The following CYP11B2 variants were observed in gnomAD, a reference collection of about 807,000 sequenced individuals.
The protein encoded by CYP11B2 is cytochrome P450 family 11 subfamily B member 2.
CYP11B2 carries 38 observed loss-of-function variants against 49.3 expected under a neutral mutation model. That is an observed-to-expected ratio of 0.77 (90% CI 0.59 to 1.01). CYP11B2 has a LOEUF of 1.01. Among genes scored for constraint, CYP11B2 ranks in the 50% least tolerant of loss-of-function variants. The pLI is 0.00. For missense variants in CYP11B2, 669 were observed against 655.5 expected (o/e 1.02, Z -0.23); for synonymous variants, 290 against 269.3 (o/e 1.08, Z -0.75).
rs1586576589 is a variant in CYP11B2 at position 142,916,866 on chromosome 8, C to T, written c.395+193G>A. Reference sequence around the variant, plus strand: ...GTGCCCGTGCCCATTTCTCCACCACCGCCCTGCTTCCCCAACCCACAGTGC... The same window carrying T: ...GTGCCCGTGCCCATTTCTCCACCACTGCCCTGCTTCCCCAACCCACAGTGC... On this transcript the variant is annotated intron_variant, in intron 2 of 8. Coordinates refer to ENST00000323110, the MANE Select transcript of CYP11B2 (RefSeq NM_000498.3). 3.3e-5 allele frequency among the ~76,000 whole-genome samples: 5 copies of T among 152,158 alleles called. 1 individual carries two copies. In the South Asian group the frequency reaches 1.0e-3, roughly 31 times the overall value.
chr8:142,917,297 C>A, intron 1 of CYP11B2, 83 bp from the exon 2 acceptor site: 4 of 1,503,816 alleles, frequency 2.7e-6, no homozygotes, highest in Non-Finnish European at 3.7e-6. Flanking sequence ...AAAGTGTCTC[C>A]TGTCCACCCT....
At chr8:142,915,889 T>C (rs1314089679) in intron 2 of CYP11B2, among the ~76,000 whole-genome samples, 3 of 152,188 alleles carry the variant, frequency 2.0e-5, no homozygotes, top group African/African-American at 7.2e-5. Context: ...CCTTTATTTA[T>C]GTCCAGCTGG....
chr8:142,914,635 G>A, intron 4 of CYP11B2, 70 bp downstream of exon 4: 1 of 1,380,994 alleles, frequency 7.2e-7, no homozygotes. Context: ...CCCACTGGGT[G>A]GTGGAGAAGG....
In CYP11B2 at chr8:142,917,255, T is replaced by A. The variant is rs758713422; in HGVS notation, c.240-41A>T. ...GGAGGCCCTGCTGGACGGGGTCATGTCCCTCGTGGCCCCACCCTGCAGTCC... is the reference window on the plus strand; with the variant it reads ...GGAGGCCCTGCTGGACGGGGTCATGACCCTCGTGGCCCCACCCTGCAGTCC... On this transcript the variant is annotated intron_variant, in intron 1 of 8. Transcript: ENST00000323110. The A allele has an allele frequency of 2.5e-6, 4 of 1,605,794 alleles. No individual in the cohort carries two copies. The South Asian group carries it at 4.4e-5, about 18-fold the overall frequency.
In CYP11B2 at chr8:142,917,724, T is replaced by A; in HGVS notation, c.117A>T (p.Glu39Asp). 6.2e-7 allele frequency: 1 copy of A among 1,614,242 alleles called. No homozygotes were observed. The highest frequency in any genetic ancestry group is 8.5e-7 in the Non-Finnish European group (1 of 1,180,050). Reference sequence around the variant, plus strand: ...TGTTGCCTGGATGCTGGGGCATGGCTTCAAACGGCAGCACCGTCCTAGGGG... The same window carrying A: ...TGTTGCCTGGATGCTGGGGCATGGCATCAAACGGCAGCACCGTCCTAGGGG... ...ARAPRTVLPFEAMPQHPGNRW... is the reference protein window; with the variant it reads ...ARAPRTVLPFDAMPQHPGNRW... Residue 39 changes from glutamate (E) to aspartate (D), a missense_variant, in exon 1 of 9, where the codon GAA becomes GAT. By Grantham distance (45) the Glu-to-Asp change is conservative. Coordinates refer to ENST00000323110, the MANE Select transcript of CYP11B2 (RefSeq NM_000498.3).
intron 5 of CYP11B2, 132 bp from the exon 6 acceptor site, chr8:142,913,583 C>A: frequency 9.1e-7 from 1 of 1,100,388 alleles, no homozygotes; most frequent in Admixed American, 1.9e-5. Context: ...CCCTGGGACC[C>A]CGGATCTGAA....
At position 142,912,519 on chromosome 8, in the gene CYP11B2, G is replaced by A; in HGVS notation, c.1398+11C>T. ...TGCCCAGGTCCCGCCCCCGCCCCCAGGCCTGCTTACGTGGTGCAGCAGCAG... is the reference window on the plus strand; with the variant it reads ...TGCCCAGGTCCCGCCCCCGCCCCCAAGCCTGCTTACGTGGTGCAGCAGCAG... On this transcript the variant is annotated intron_variant, in intron 8 of 8. Coordinates refer to ENST00000323110, the MANE Select transcript of CYP11B2 (RefSeq NM_000498.3). 2.1e-6 allele frequency: 2 copies of A among 939,990 alleles called. No individual in the cohort carries two copies. The highest frequency in any genetic ancestry group is 3.4e-6 in the Non-Finnish European group (2 of 583,040). 58.2% of individuals were successfully genotyped at this position (939,990 alleles called of 1,614,324 possible). A position where few individuals can be genotyped will look rare whatever the true frequency, so the allele number is the denominator to read the frequency against.
chr8:142,914,354 G>T lies in CYP11B2; in HGVS notation c.864C>A (p.Gly288=), dbSNP rs770370356. ...LAFNRPQHYT[G]IVAELLLKAE... The stretch of plus-strand genomic sequence containing the variant: ...CCTTCAACAGGAGCTCCGCCACGAT[G>T]CCTGTGTAGTGTTGAGGGCGGTTGA... Residue 288 remains glycine (G), a synonymous_variant, in exon 5 of 9, where the codon GGC becomes GGA. Coordinates refer to ENST00000323110, the MANE Select transcript of CYP11B2 (RefSeq NM_000498.3). 1 of 1,613,224 alleles carries T rather than the reference G, an allele frequency of 6.2e-7. No individual in the cohort carries two copies. The highest frequency in any genetic ancestry group is 8.5e-7 in the Non-Finnish European group (1 of 1,179,174).
intron 8 of CYP11B2, 73 bp downstream of exon 8, chr8:142,912,457 G>A: frequency 6.6e-7 from 1 of 1,513,888 alleles, no homozygotes; most frequent in South Asian, 1.1e-5. Flanking sequence ...ATCACACCAT[G>A]CAAGCCCCGC....
In CYP11B2 at chr8:142,912,523, T is replaced by C. The variant is rs1360903814; in HGVS notation, c.1398+7A>G. 1.7e-6 allele frequency: 2 copies of C among 1,167,212 alleles called. No individual in the cohort carries two copies. The highest frequency in any genetic ancestry group is 2.6e-6 in the Non-Finnish European group (2 of 783,774). 72.3% of individuals were successfully genotyped at this position (1,167,212 alleles called of 1,614,324 possible). Reference sequence around the variant, plus strand: ...CAGGTCCCGCCCCCGCCCCCAGGCCTGCTTACGTGGTGCAGCAGCAGCAGC... The same window carrying C: ...CAGGTCCCGCCCCCGCCCCCAGGCCCGCTTACGTGGTGCAGCAGCAGCAGC... On this transcript the variant is annotated splice_region_variant and intron_variant, in intron 8 of 8. Coordinates refer to ENST00000323110, the MANE Select transcript of CYP11B2 (RefSeq NM_000498.3).
In CYP11B2 at chr8:142,911,152, G is replaced by A. The variant is rs569278898; in HGVS notation, c.*828C>T. On this transcript the variant is annotated 3_prime_UTR_variant, in exon 9 of 9. Transcript: ENST00000323110. ...TCTGAGTCCTTGTTGGCCCAATCCTGTCTCTCCTGTTGCCAAAAACATTTC... is the reference window on the plus strand; with the variant it reads ...TCTGAGTCCTTGTTGGCCCAATCCTATCTCTCCTGTTGCCAAAAACATTTC... 6.6e-6 allele frequency: 1 copy of A among 152,248 alleles called. No individual in the cohort carries two copies. The highest frequency in any genetic ancestry group is 2.1e-4 in the South Asian group (1 of 4,818). 9.4% of individuals were successfully genotyped at this position (152,248 alleles called of 1,614,324 possible). A position where few individuals can be genotyped will look rare whatever the true frequency, so the allele number is the denominator to read the frequency against.
In CYP11B2 at chr8:142,912,102, G is replaced by C. The variant is rs1817546704; in HGVS notation, c.1399-9C>G. On this transcript the variant is annotated splice_polypyrimidine_tract_variant and intron_variant, in intron 8 of 8. Transcript: ENST00000323110. ...AGGAAGTGCTTCAGCACCTAGGACA[G>C]AGGCTGGGTTTCCATCTGGCCTGGT... 1 of 1,613,884 alleles carries C rather than the reference G, an allele frequency of 6.2e-7. No individual in the cohort carries two copies. The highest frequency in any genetic ancestry group is 8.5e-7 in the Non-Finnish European group (1 of 1,179,924).
In CYP11B2 at chr8:142,915,083, C is replaced by A. The variant is rs1441910711; in HGVS notation, c.558G>T (p.Leu186=). 5 of 1,613,788 alleles carry A rather than the reference C, an allele frequency of 3.1e-6. No homozygotes were observed. Among genetic ancestry groups the A allele is most frequent in the African/African-American group, 1.3e-5 (1 of 74,864 alleles). Residue 186 remains leucine (L), a synonymous_variant, in exon 3 of 9, where the codon CTG becomes CTT. Coordinates refer to ENST00000323110, the MANE Select transcript of CYP11B2 (RefSeq NM_000498.3). ...VLQNARGSLT[L]DVQPSIFHYT... ...AGTGGAAGATGCTGGGCTGGACGTC[C>A]AGGGTCAGGCTCCCCCGGGCGTTCT...
intron 1 of CYP11B2, among the ~76,000 whole-genome samples, 183 bp from the exon 2 acceptor site, chr8:142,917,397 C>T (rs1418504757): frequency 2.0e-5 from 3 of 152,256 alleles, no homozygotes; most frequent in Non-Finnish European, 4.4e-5. Flanking sequence ...GTCCTGCCCT[C>T]TCTGCAGTGA....
In CYP11B2 at chr8:142,914,699, C is replaced by T; in HGVS notation, c.799+6G>A. ...CCCATAGCACTGCCCGGGTCCCTGG[C>T]CTCACCGTACTGGAAGATGCAGTCC... On this transcript the variant is annotated splice_donor_region_variant and intron_variant, in intron 4 of 8. Transcript: ENST00000323110. 2 of 1,597,948 alleles carry T rather than the reference C, an allele frequency of 1.3e-6. No homozygotes were observed. Among genetic ancestry groups the T allele is most frequent in the Non-Finnish European group, 1.7e-6 (2 of 1,172,824 alleles).
rs1415124302 is a variant in CYP11B2 at position 142,917,604 on chromosome 8, G to A, written c.237C>T (p.Phe79=). The A allele has an allele frequency of 9.9e-6, 16 of 1,614,138 alleles. No individual in the cohort carries two copies. Among genetic ancestry groups the A allele is most frequent in the Non-Finnish European group, 1.4e-5 (16 of 1,180,058 alleles). The part of the protein sequence containing the change: ...HQTFQELGPI[F]RYNLGGPRMV... ...GCGAGGGCCAGGGAGGGCTTTACCT[G>A]AAAATGGGCCCCAGCTCCTGGAAGG... The change falls in exon 1 of 9, where the codon TTC becomes TTT. Residue 79 remains phenylalanine (F), a splice_region_variant and synonymous_variant. Transcript: ENST00000323110.
At position 142,910,866 on chromosome 8, in the gene CYP11B2, T is replaced by C. The variant is rs1446173174; in HGVS notation, c.*1114A>G. The C allele has an allele frequency of 6.6e-6, 1 of 152,260 alleles. No individual in the cohort carries two copies. The highest frequency in any genetic ancestry group is 1.5e-5 in the Non-Finnish European group (1 of 68,088). 9.4% of individuals were successfully genotyped at this position (152,260 alleles called of 1,614,324 possible). On this transcript the variant is annotated 3_prime_UTR_variant, in exon 9 of 9. Coordinates refer to ENST00000323110, the MANE Select transcript of CYP11B2 (RefSeq NM_000498.3). The surrounding 1 kb of genome is among the most constrained non-coding windows in gnomAD (Gnocchi z 4.6). The stretch of plus-strand genomic sequence containing the variant: ...TCATCAGCTACCAGGAGCTGGCTGC[T>C]GAGATCTTTGCCCTAATGAAAATCC...
Position 142,915,735 on chromosome 8 carries a change from G to A in CYP11B2, c.396-490C>T, listed in dbSNP as rs1586575955. Among the ~76,000 whole-genome samples, 4 of 131,112 alleles carry A rather than the reference G, an allele frequency of 3.1e-5. 2 individuals are homozygous for A. Among genetic ancestry groups the A allele is most frequent in the East Asian group, 4.1e-4 (2 of 4,896 alleles). The allele number at this position is 131,112 out of a possible 152,430, so 86.0% of individuals were successfully genotyped here. ...AGCAGCCTCTGCCTGTCTCTGTGAA[G>A]CATCTATATCTTCTGCAGGACAGAA... is the stretch of plus-strand genomic sequence containing the variant. On this transcript the variant is annotated intron_variant, in intron 2 of 8. Transcript: ENST00000323110.
Position 142,912,510 on chromosome 8 carries a change from C to A in CYP11B2, c.1398+20G>T. ...CGCCTCTGCTGCCCAGGTCCCGCCC[C>A]CGCCCCCAGGCCTGCTTACGTGGTG... On this transcript the variant is annotated intron_variant, in intron 8 of 8. Transcript: ENST00000323110. The A allele has an allele frequency of 1.2e-6, 2 of 1,606,514 alleles. No individual in the cohort carries two copies. The highest frequency in any genetic ancestry group is 2.2e-5 in the South Asian group (2 of 90,874).
Sources: allele counts gnomAD v4.1 joint callset (sites outside exome capture counted in the v4.1 genomes callset), GRCh38; gene constraint gnomAD v4.1.1; non-coding constraint Gnocchi (gnomAD v3.1); transcripts MANE v1.5; gene names NCBI Gene and HGNC (gene_info 2026-07-23, HGNC 2026-07-21).